Variants in SLIT3 observed in about 807,000 individuals in gnomAD.
The protein encoded by SLIT3 is slit guidance ligand 3, also known as slit homolog 3 protein.
A neutral mutation model predicts 184.0 loss-of-function variants in SLIT3; 68 were observed. That is an observed-to-expected ratio of 0.37 (90% CI 0.30 to 0.45). The LOEUF (loss-of-function observed/expected upper bound fraction) is 0.45. SLIT3 is among the 20% of genes least tolerant of loss of function. SLIT3 has a pLI of 1.00. For missense variants in SLIT3, 1,707 were observed against 2,026.0 expected, an observed-to-expected ratio of 0.84 and a Z score of 3.02; for synonymous variants, 831 against 828.6, an observed-to-expected ratio of 1.00 and a Z score of -0.05.
At chr5:168,722,059 T>G (rs1762959439) in intron 23 of SLIT3, among the ~76,000 whole-genome samples, 197 bp downstream of exon 23, 1 of 152,110 alleles carries the variant, frequency 6.6e-6, no homozygotes, top group African/African-American at 2.4e-5. Context: ...ACAGTGGTAG[T>G]GCGCTGGACC....
chr5:169,244,651 A>G lies in SLIT3; in HGVS notation c.341+54T>C, dbSNP rs1253997356. 8 of 1,526,784 alleles carry G rather than the reference A, an allele frequency of 5.2e-6. No homozygotes were observed. The East Asian group carries it at 1.8e-4, about 35-fold the overall frequency. 94.6% of individuals were successfully genotyped at this position (1,526,784 alleles called of 1,614,324 possible). ...TACAAAAACAAAACAAAACAAAACA[A>G]AAAACACTAAATGTAAATAAATACT... On this transcript the variant is annotated intron_variant, in intron 3 of 35. Coordinates refer to ENST00000519560, the MANE Select transcript of SLIT3 (RefSeq NM_003062.4).
At chr5:168,829,358 T>C (rs62378506) in intron 6 of SLIT3, among the ~76,000 whole-genome samples, 23,579 of 152,274 alleles carry the variant, frequency 0.15, 2,161 homozygotes, top group East Asian at 0.26. Flanking sequence ...CACTGCAGCC[T>C]CTCTGTGTGC....
intron 6 of SLIT3, among the ~76,000 whole-genome samples, chr5:168,837,141 G>T (rs1031816138): frequency 6.6e-6 from 1 of 152,116 alleles, no homozygotes; most frequent in Non-Finnish European, 1.5e-5. Flanking sequence ...TATTCTAGGG[G>T]CTGAATGGAA....
At chr5:168,678,450 G>A (rs951102037) in intron 32 of SLIT3, among the ~76,000 whole-genome samples, 4 of 152,150 alleles carry the variant, frequency 2.6e-5, no homozygotes, top group Admixed American at 1.3e-4. Context: ...TTGGGAGGCC[G>A]AGGCGGGCGG....
intron 4 of SLIT3, among the ~76,000 whole-genome samples, chr5:169,192,984 C>T (rs1183875668): frequency 2.6e-5 from 4 of 152,138 alleles, no homozygotes; most frequent in African/African-American, 9.7e-5. Flanking sequence ...CTTCCTTTTC[C>T]CACAAAATCA....
At chr5:169,010,221 G>A (rs1241473319) in intron 4 of SLIT3, among the ~76,000 whole-genome samples, 2 of 152,194 alleles carry the variant, frequency 1.3e-5, no homozygotes, top group Non-Finnish European at 2.9e-5. Context: ...CAACTTCTCA[G>A]GTACCCAGTG....
rs573616902 is a variant in SLIT3, at chr5:168,937,260, G to A, written c.414-53924C>T. ...CCCAGGTCCCTATAAGGCCATGTGG[G>A]AGGATTTTCATTATCGTTTCTACCC... On this transcript the variant is annotated intron_variant, in intron 4 of 35. Transcript: ENST00000519560. 2.0e-5 allele frequency among the ~76,000 whole-genome samples: 3 copies of A among 152,266 alleles called. 1 individual carries two copies. Among genetic ancestry groups the A allele is most frequent in the African/African-American group, 7.2e-5 (3 of 41,564 alleles).
intron 9 of SLIT3, among the ~76,000 whole-genome samples, chr5:168,800,960 C>T (rs1464687382): frequency 1.6e-5 from 2 of 124,068 alleles, no homozygotes; most frequent in Admixed American, 1.7e-4. Context: ...AACAGTTCTC[C>T]ATGTTATGTT....
At chr5:168,868,233 T>G (rs552620176) in intron 5 of SLIT3, among the ~76,000 whole-genome samples, 2 of 152,212 alleles carry the variant, frequency 1.3e-5, no homozygotes, top group Non-Finnish European at 2.9e-5. Flanking sequence ...ATTGTATTTA[T>G]TGAGCACCTA....
chr5:168,869,830 G>A (rs1759444144), intron 5 of SLIT3, among the ~76,000 whole-genome samples: 1 of 152,208 alleles, frequency 6.6e-6, no homozygotes, highest in Non-Finnish European at 1.5e-5. Context: ...ACCCAGGAAC[G>A]GATCATTGGC....
intron 4 of SLIT3, among the ~76,000 whole-genome samples, chr5:169,093,472 G>A (rs1756166402): frequency 6.6e-6 from 1 of 152,050 alleles, no homozygotes; most frequent in African/African-American, 2.4e-5. Flanking sequence ...CAGGGGCTTG[G>A]GGGTGGGGGT....
intron 4 of SLIT3, among the ~76,000 whole-genome samples, chr5:169,006,619 A>T (rs866171741): frequency 0.012 from 1,822 of 151,234 alleles, 81 homozygotes; most frequent in East Asian, 0.086. Flanking sequence ...ACACACACAC[A>T]CACACACACA....
intron 4 of SLIT3, among the ~76,000 whole-genome samples, chr5:168,935,450 C>T (rs1363117190): frequency 6.6e-6 from 1 of 152,166 alleles, no homozygotes; most frequent in Non-Finnish European, 1.5e-5. Flanking sequence ...TCTCTACAAC[C>T]AGAGAGTACC....
intron 4 of SLIT3, among the ~76,000 whole-genome samples, chr5:168,932,348 A>T (rs1762012627): frequency 1.6e-4 from 1 of 6,352 alleles, no homozygotes; most frequent in South Asian, 2.5e-3. Flanking sequence ...GGGGAAAAAG[A>T]CACACACACA....
At chr5:168,921,114 G>T in intron 4 of SLIT3, among the ~76,000 whole-genome samples, 1 of 152,114 alleles carries the variant, frequency 6.6e-6, no homozygotes. Flanking sequence ...GACATCATCT[G>T]TCATCTGACA....
intron 8 of SLIT3, among the ~76,000 whole-genome samples, chr5:168,809,858 C>T (rs1295651779): frequency 2.0e-5 from 3 of 152,164 alleles, no homozygotes; most frequent in African/African-American, 7.2e-5. Flanking sequence ...GGGAAGCTTC[C>T]TGAGTTTTGA....
intron 4 of SLIT3, among the ~76,000 whole-genome samples, chr5:168,918,909 C>T (rs1433011660): frequency 6.6e-6 from 1 of 152,160 alleles, no homozygotes; most frequent in East Asian, 1.9e-4. Context: ...CTTAGCAATA[C>T]CTATTTATAC....
chr5:169,271,994 G>A (rs1282602536), intron 1 of SLIT3, among the ~76,000 whole-genome samples: 1 of 152,222 alleles, frequency 6.6e-6, no homozygotes, highest in Non-Finnish European at 1.5e-5. Context: ...ACAGAGGAGA[G>A]TAGGGGAAAC....
At chr5:169,142,507 C>T (rs1761781693) in intron 4 of SLIT3, among the ~76,000 whole-genome samples, 1 of 152,188 alleles carries the variant, frequency 6.6e-6, no homozygotes, top group South Asian at 2.1e-4. Context: ...AGTGAAATAG[C>T]AAAGCAGTTC....
Sources: gnomAD v4.1 joint callset for allele counts (sites outside exome capture counted in the v4.1 genomes callset) on GRCh38, gnomAD v4.1.1 for gene constraint, MANE v1.5 for transcripts, NCBI Gene and HGNC (gene_info 2026-07-23, HGNC 2026-07-21) for gene names.